The following GNG7 variants were observed in gnomAD, a reference collection of about 807,000 sequenced individuals.
GNG7 encodes guanine nucleotide-binding protein G(I)/G(S)/G(O) subunit gamma-7.
Under a neutral mutation model 4.0 loss-of-function variants are expected in GNG7, and 1 was observed. That is an observed-to-expected ratio of 0.25 (90% CI 0.09 to 1.18). GNG7 has a LOEUF of 1.18. Among genes scored for constraint, GNG7 ranks in the 50% most tolerant of loss-of-function variants. GNG7 has a pLI of 0.50. For missense variants in GNG7, 86 were observed against 91.9 expected, an observed-to-expected ratio of 0.94 and a Z score of 0.26; for synonymous variants, 34 against 36.9, an observed-to-expected ratio of 0.92 and a Z score of 0.29.
chr19:2,629,462 C>T (rs572504063), intron 2 of GNG7, among the ~76,000 whole-genome samples: 4 of 152,212 alleles, frequency 2.6e-5, no homozygotes, highest in Middle Eastern at 3.4e-3. Flanking sequence ...GTTGCCTGGG[C>T]GCCCACACGA....
Position 2,680,496 on chromosome 19 carries a change from T to C in GNG7, c.-135+22150A>G, listed in dbSNP as rs751412076. ...AATTAAAACATTTTAAAATTAAAAA[T>C]TAAAAGCTCTGAAAAGTGACCACAT... On this transcript the variant is annotated intron_variant, in intron 1 of 4. Transcript: ENST00000382159. Among the ~76,000 whole-genome samples the C allele has an allele frequency of 1.6e-4, 25 of 151,938 alleles. 1 individual carries two copies. The highest frequency in any genetic ancestry group is 6.6e-4 in the Admixed American group (10 of 15,220).
intron 2 of GNG7, among the ~76,000 whole-genome samples, chr19:2,579,504 C>T (rs986992278): frequency 9.2e-5 from 14 of 152,376 alleles, no homozygotes; most frequent in Admixed American, 2.6e-4. Flanking sequence ...CCTCGGCACA[C>T]AGCCCTGGAG....
intron 1 of GNG7, among the ~76,000 whole-genome samples, chr19:2,697,786 T>TTC (rs763045439): frequency 2.4e-5 from 3 of 124,810 alleles, no homozygotes; most frequent in African/African-American, 8.3e-5. Context: ...GAGGGCCCCG[T>TTC]CCCCCCCCCC....
At chr19:2,631,950 C>G (rs1484093115) in intron 2 of GNG7, 1 of 152,196 alleles carries the variant, frequency 6.6e-6, no homozygotes, top group African/African-American at 2.4e-5. Flanking sequence ...TTGAACCAGC[C>G]AAGGCAGACT....
chr19:2,568,743 TAC>T (rs748487982), intron 2 of GNG7, among the ~76,000 whole-genome samples: 6 of 144,110 alleles, frequency 4.2e-5, no homozygotes, highest in Non-Finnish European at 7.7e-5. Context: ...TATACATACA[TAC>T]ACACATACAC....
intron 1 of GNG7, among the ~76,000 whole-genome samples, chr19:2,696,184 AG>A (rs1045149392): frequency 2.1e-5 from 3 of 144,784 alleles, no homozygotes; most frequent in Non-Finnish European, 3.1e-5. Flanking sequence ...AAAGAGAGAG[AG>A]GAGAGAGAGG....
At chr19:2,572,227 C>T (rs920467348) in intron 2 of GNG7, among the ~76,000 whole-genome samples, 3 of 152,218 alleles carry the variant, frequency 2.0e-5, no homozygotes, top group East Asian at 1.9e-4. Context: ...CTGTGTTGCC[C>T]AGGCTGGTCT....
intron 1 of GNG7, among the ~76,000 whole-genome samples, chr19:2,684,525 C>A (rs530972682): frequency 2.0e-5 from 3 of 152,220 alleles, no homozygotes; most frequent in Non-Finnish European, 4.4e-5. Context: ...GGTCCATACA[C>A]ACCCCGGAGT....
chr19:2,620,161 G>A (rs1481424833), intron 2 of GNG7, among the ~76,000 whole-genome samples: 4 of 141,522 alleles, frequency 2.8e-5, no homozygotes, highest in African/African-American at 1.0e-4. Flanking sequence ...CCGAGATCGC[G>A]CCATAGCACT....
At chr19:2,637,215 C>CCCT (rs1982336268) in intron 2 of GNG7, among the ~76,000 whole-genome samples, 1 of 151,816 alleles carries the variant, frequency 6.6e-6, no homozygotes, top group East Asian at 1.9e-4. Context: ...AACAGGCTCC[C>CCCT]CCCGCCCCCG....
rs139216710 is a variant in GNG7 at position 2,640,695 on chromosome 19, C to T, written c.-78+5529G>A. On this transcript the variant is annotated intron_variant, in intron 2 of 4. Transcript: ENST00000382159. ...AGGCTGGAGTGCAGTGGTGTGATCTCGGCTCACTGCACCACTCGATCTCCT... is the reference window on the plus strand; with the variant it reads ...AGGCTGGAGTGCAGTGGTGTGATCTTGGCTCACTGCACCACTCGATCTCCT... Among the ~76,000 whole-genome samples, 1,310 of 151,802 alleles carry T rather than the reference C, an allele frequency of 8.6e-3. 22 individuals carry two copies. Among genetic ancestry groups the T allele is most frequent in the African/African-American group, 0.03 (1,240 of 41,356 alleles).
In GNG7 at chr19:2,514,872, G is replaced by T; in HGVS notation, c.*150C>A. 2 of 650,338 alleles carry T rather than the reference G, an allele frequency of 3.1e-6. No individual in the cohort carries two copies. The highest frequency in any genetic ancestry group is 2.8e-5 in the Admixed American group (1 of 35,404). The allele number at this position is 650,338 out of a possible 1,614,324, so 40.3% of individuals were successfully genotyped here. ...GGGAACGCCTTTTTTGGCGGGGAGA[G>T]GGGGGATTTCTTTTGGAATTAAAGG... is the stretch of plus-strand genomic sequence containing the variant. On this transcript the variant is annotated 3_prime_UTR_variant, in exon 5 of 5. Transcript: ENST00000382159.
Position 2,646,290 on chromosome 19 carries a change from A to C in GNG7, c.-134-10T>G, listed in dbSNP as rs1982664026. On this transcript the variant is annotated splice_polypyrimidine_tract_variant and intron_variant, in intron 1 of 4. Coordinates refer to ENST00000382159, the MANE Select transcript of GNG7 (RefSeq NM_052847.3). ...AACCAAGCTCCACTCCCTGGAAAAA[A>C]CACATAGAGTTAGTTTGGCGTGGCT... 1 of 152,002 alleles carries C rather than the reference A, an allele frequency of 6.6e-6. No homozygotes were observed. Among genetic ancestry groups the C allele is most frequent in the Non-Finnish European group, 1.5e-5 (1 of 68,040 alleles). The allele number at this position is 152,002 out of a possible 1,614,324, so 9.4% of individuals were successfully genotyped here.
chr19:2,527,702 G>C (rs1030304554), intron 3 of GNG7, among the ~76,000 whole-genome samples: 11 of 152,080 alleles, frequency 7.2e-5, no homozygotes, highest in Admixed American at 2.6e-4. Context: ...ATCCTTTTCT[G>C]GGGTGGGGCT....
At chr19:2,577,417 C>G (rs1980374643) in intron 2 of GNG7, among the ~76,000 whole-genome samples, 1 of 152,182 alleles carries the variant, frequency 6.6e-6, no homozygotes, top group South Asian at 2.1e-4. Context: ...GGGGGACACT[C>G]CCAGCTCCTA....
At chr19:2,553,493 T>A (rs1979409634) in intron 3 of GNG7, among the ~76,000 whole-genome samples, 1 of 147,000 alleles carries the variant, frequency 6.8e-6, no homozygotes, top group African/African-American at 2.5e-5. Context: ...TATTATATTT[T>A]ATATGTACAT....
At chr19:2,663,479 C>T (rs1983230344) in intron 1 of GNG7, among the ~76,000 whole-genome samples, 1 of 152,056 alleles carries the variant, frequency 6.6e-6, no homozygotes, top group Non-Finnish European at 1.5e-5. Context: ...GTCCCTAGAA[C>T]CGTTAAGAAA....
At chr19:2,628,048 A>T (rs6510691) in intron 2 of GNG7, among the ~76,000 whole-genome samples, 5 of 152,102 alleles carry the variant, frequency 3.3e-5, no homozygotes, top group African/African-American at 1.2e-4. Context: ...AGCCCCTCTC[A>T]GCTACTGTTT....
chr19:2,609,230 T>TTGCCAAGGC lies in GNG7; in HGVS notation c.-78+36985_-78+36993dup, dbSNP rs1315755879. Among the ~76,000 whole-genome samples, 12 of 152,226 alleles carry TTGCCAAGGC rather than the reference T, an allele frequency of 7.9e-5. No individual in the cohort carries two copies. The East Asian group carries it at 2.3e-3, about 29-fold the overall frequency. ...TCGTAGAGATGGGGGTCTCACTATG[T>TTGCCAAGGC]TGCCAAGGCTGGTCTTGAACTCCTA... On this transcript the variant is annotated intron_variant, in intron 2 of 4. Coordinates refer to ENST00000382159, the MANE Select transcript of GNG7 (RefSeq NM_052847.3). This position sits in a 1 kb window ranked among gnomAD's most constrained non-coding sequence, Gnocchi z 4.4.
Sources: allele counts gnomAD v4.1 joint callset (sites outside exome capture counted in the v4.1 genomes callset), GRCh38; gene constraint gnomAD v4.1.1; non-coding constraint Gnocchi (gnomAD v3.1); transcripts MANE v1.5; gene names NCBI Gene and HGNC (gene_info 2026-07-23, HGNC 2026-07-21).